SDHAF3: variants seen among roughly 807,000 people sequenced by gnomAD.
SDHAF3 encodes succinate dehydrogenase assembly factor 3, mitochondrial.
In SDHAF3, 18 loss-of-function variants were observed where a neutral mutation model predicts 11.5. The ratio of observed to expected loss-of-function variants is 1.56; its 90% CI spans 1.08 to 2.32. The LOEUF is 2.32. Ranked by LOEUF, SDHAF3 falls within the 30% of genes most tolerant of loss-of-function variation. The pLI is 0.00. For synonymous variants in SDHAF3, 72 were observed against 59.3 expected, an observed-to-expected ratio of 1.21 and a Z score of -0.99; for missense variants, 200 against 154.4, an observed-to-expected ratio of 1.30 and a Z score of -1.57.
intron 1 of SDHAF3, among the ~76,000 whole-genome samples, chr7:97,130,426 G>A (rs934005378): frequency 1.1e-4 from 16 of 152,174 alleles, no homozygotes; most frequent in Admixed American, 6.5e-5. Context: ...GCTCTGGCTC[G>A]GGAAGTCCTG....
intron 1 of SDHAF3, among the ~76,000 whole-genome samples, chr7:97,160,209 C>T (rs372982840): frequency 6.9e-6 from 1 of 144,820 alleles, no homozygotes; most frequent in East Asian, 2.1e-4. Context: ...AGGAGCGCCC[C>T]TGCCCGGCCG....
chr7:97,151,680 T>C (rs918404774), intron 1 of SDHAF3, among the ~76,000 whole-genome samples: 2 of 152,166 alleles, frequency 1.3e-5, no homozygotes, highest in South Asian at 4.2e-4. Context: ...TTTGTATTTT[T>C]AGTAGAGACG....
chr7:97,118,795 C>T (rs1401666740), intron 1 of SDHAF3, among the ~76,000 whole-genome samples: 1 of 151,870 alleles, frequency 6.6e-6, no homozygotes, highest in East Asian at 1.9e-4. Context: ...AAAAAAAAAT[C>T]AAAAGAATGG....
chr7:97,125,223 C>T (rs1377710703), intron 1 of SDHAF3, among the ~76,000 whole-genome samples: 1 of 152,092 alleles, frequency 6.6e-6, no homozygotes, highest in African/African-American at 2.4e-5. Flanking sequence ...TCATGTCTCT[C>T]CTTCAGTTCT....
intron 1 of SDHAF3, among the ~76,000 whole-genome samples, chr7:97,174,609 A>G (rs1789652611): frequency 6.6e-6 from 1 of 152,136 alleles, no homozygotes; most frequent in Non-Finnish European, 1.5e-5. Flanking sequence ...ATGGCCTTAA[A>G]ACTTTTGAAG....
chr7:97,120,251 A>C (rs1337983290), intron 1 of SDHAF3, among the ~76,000 whole-genome samples: 1 of 152,182 alleles, frequency 6.6e-6, no homozygotes, highest in Non-Finnish European at 1.5e-5. Context: ...CAGCTGGGTA[A>C]AGATAAATTT....
intron 1 of SDHAF3, among the ~76,000 whole-genome samples, chr7:97,178,538 A>C (rs915307515): frequency 6.6e-6 from 1 of 152,148 alleles, no homozygotes; most frequent in African/African-American, 2.4e-5. Context: ...TCTGGGGTTT[A>C]AAAAATTATT....
At chr7:97,158,544 C>G (rs1287330765) in intron 1 of SDHAF3, among the ~76,000 whole-genome samples, 1 of 152,126 alleles carries the variant, frequency 6.6e-6, no homozygotes, top group Admixed American at 6.5e-5. Flanking sequence ...CCAGGCTGGT[C>G]TCAAACTCAC....
rs17168218 is a variant in SDHAF3 at position 97,180,637 on chromosome 7, G to T, written c.175-375G>T. On this transcript the variant is annotated intron_variant, in intron 1 of 1. Coordinates refer to ENST00000432641, the MANE Select transcript of SDHAF3 (RefSeq NM_020186.3). ...AAAAGTTGGGGGAAAAAAGACCCAT[G>T]GTTCCTGTTTGAGAATCCGTTGAAA... Among the ~76,000 whole-genome samples the T allele has an allele frequency of 3.3e-3, 495 of 152,284 alleles. 5 individuals are homozygous for T. Among genetic ancestry groups the T allele is most frequent in the African/African-American group, 0.011 (467 of 41,560 alleles).
At chr7:97,178,118 T>C (rs564601629) in intron 1 of SDHAF3, among the ~76,000 whole-genome samples, 1 of 152,368 alleles carries the variant, frequency 6.6e-6, no homozygotes, top group South Asian at 2.1e-4. Flanking sequence ...CTATGAATTT[T>C]CCTATTCTAG....
intron 1 of SDHAF3, among the ~76,000 whole-genome samples, chr7:97,133,003 G>A (rs1004443797): frequency 5.3e-5 from 8 of 152,064 alleles, no homozygotes; most frequent in African/African-American, 1.9e-4. Context: ...CTAGGGGAGT[G>A]GGGGCTTGTG....
rs187845544 is a variant in SDHAF3, at chr7:97,125,877, T to C, written c.174+7980T>C. On this transcript the variant is annotated intron_variant, in intron 1 of 1. Transcript: ENST00000432641. ...TCTCCATCCAGTTTTGTGTCCTTGC[T>C]GGAGAGGAGTTGCAATCATTTGGAG... 1.2e-4 allele frequency among the ~76,000 whole-genome samples: 19 copies of C among 152,348 alleles called. No individual in the cohort carries two copies. The East Asian group carries it at 3.5e-3, about 28-fold the overall frequency.
Position 97,117,733 on chromosome 7 carries a change from C to G in SDHAF3, c.10C>G (p.Arg4Gly). The G allele has an allele frequency of 6.2e-7, 1 of 1,612,720 alleles. No homozygotes were observed. The highest frequency in any genetic ancestry group is 8.5e-7 in the Non-Finnish European group (1 of 1,179,348). Residue 4 changes from arginine (R) to glycine (G), a missense_variant, in exon 1 of 2, where the codon CGG becomes GGG. By Grantham distance (125) the Arg-to-Gly change is moderately radical. Transcript: ENST00000432641. ...GTCGGCGTGGGGCGCTATGCCGGGG[C>G]GGCACGTTTCTCGAGTCCGGGCATT... MPGRHVSRVRALYK... is the reference protein window; with the variant it reads MPGGHVSRVRALYK...
chr7:97,135,593 G>T (rs1791743256), intron 1 of SDHAF3: 1 of 144,840 alleles, frequency 6.9e-6, no homozygotes, highest in Non-Finnish European at 1.5e-5. Context: ...GTGTGTGTGT[G>T]TGTGTGTGTC....
At chr7:97,162,505 C>G (rs1348695217) in intron 1 of SDHAF3, among the ~76,000 whole-genome samples, 1 of 152,034 alleles carries the variant, frequency 6.6e-6, no homozygotes, top group Non-Finnish European at 1.5e-5. Flanking sequence ...TAGATCTTTC[C>G]TGCTTTCTCT....
At chr7:97,168,607 C>A (rs1027024218) in intron 1 of SDHAF3, among the ~76,000 whole-genome samples, 3 of 152,064 alleles carry the variant, frequency 2.0e-5, no homozygotes, top group Admixed American at 2.0e-4. Flanking sequence ...TTTTATAACA[C>A]CTTAATCTTA....
At chr7:97,124,282 T>G (rs180903149) in intron 1 of SDHAF3, among the ~76,000 whole-genome samples, 2 of 152,324 alleles carry the variant, frequency 1.3e-5, no homozygotes, top group East Asian at 3.9e-4. Flanking sequence ...TTGTCAGGTT[T>G]GTCAAAGATG....
intron 1 of SDHAF3, among the ~76,000 whole-genome samples, chr7:97,125,508 T>C (rs913493604): frequency 6.6e-6 from 1 of 152,218 alleles, no homozygotes; most frequent in Non-Finnish European, 1.5e-5. Context: ...TAGTCCCATA[T>C]TTCTTGGAGT....
intron 1 of SDHAF3, among the ~76,000 whole-genome samples, chr7:97,143,801 A>C (rs1789093502): frequency 6.6e-6 from 1 of 152,252 alleles, no homozygotes; most frequent in East Asian, 1.9e-4. Context: ...ATGTGCAAGT[A>C]TCTTTTTCAA....
Sources: allele counts gnomAD v4.1 joint callset (sites outside exome capture counted in the v4.1 genomes callset), GRCh38; gene constraint gnomAD v4.1.1; transcripts MANE v1.5; gene names NCBI Gene and HGNC (gene_info 2026-07-23, HGNC 2026-07-21).